OSBPL9: variants seen among roughly 807,000 people sequenced by gnomAD.
OSBPL9 encodes oxysterol binding protein like 9, also known as oxysterol-binding protein-related protein 9.
Under a neutral mutation model 106.6 loss-of-function variants are expected in OSBPL9, and 40 were observed. The observed-to-expected ratio is 0.38, with a 90% CI of 0.29 to 0.49. The LOEUF (loss-of-function observed/expected upper bound fraction) is 0.49, where lower values mean the gene tolerates loss of function less well. OSBPL9 is among the 20% of genes least tolerant of loss of function. The probability of loss-of-function intolerance (pLI) is 0.97; values close to 1 mark genes in which losing one functional copy is unlikely to be tolerated. For synonymous variants in OSBPL9, 269 were observed against 295.4 expected (o/e 0.91, Z 0.92); for missense variants, 609 against 887.2 (o/e 0.69, Z 3.98).
At chr1:51,668,807 T>C (rs1349755303) in intron 2 of OSBPL9, among the ~76,000 whole-genome samples, 1 of 152,192 alleles carries the variant, frequency 6.6e-6, no homozygotes, top group African/African-American at 2.4e-5. Context: ...TTAAGTGCCA[T>C]GTATCAAATA....
At chr1:51,549,481 G>C in the OSBPL9 span, among the ~76,000 whole-genome samples, 1 of 152,224 alleles carries the variant, frequency 6.6e-6, no homozygotes. Flanking sequence ...TTACTGAACT[G>C]TATGACAGCC....
At chr1:51,670,097 T>A (rs1011691957) in intron 3 of OSBPL9, among the ~76,000 whole-genome samples, 7 of 152,222 alleles carry the variant, frequency 4.6e-5, no homozygotes, top group Non-Finnish European at 1.0e-4. Context: ...CGGCATTGCA[T>A]GCTATGGTTC....
chr1:51,742,530 G>A (rs747682022), intron 4 of OSBPL9, among the ~76,000 whole-genome samples: 4 of 150,942 alleles, frequency 2.7e-5, no homozygotes, highest in African/African-American at 4.9e-5. Context: ...TTATTGCGGA[G>A]ACAGGGTCTT....
At chr1:51,553,316 G>A in the OSBPL9 span, among the ~76,000 whole-genome samples, 2 of 151,846 alleles carry the variant, frequency 1.3e-5, no homozygotes, top group Admixed American at 1.3e-4. Context: ...TTACAGACCA[G>A]CCTGGACAAC....
At chr1:51,525,237 T>C in the OSBPL9 span, among the ~76,000 whole-genome samples, 1 of 152,166 alleles carries the variant, frequency 6.6e-6, no homozygotes, top group African/African-American at 2.4e-5. Flanking sequence ...ATAAACTAAG[T>C]CTAGTTTCCC....
intron 4 of OSBPL9, among the ~76,000 whole-genome samples, chr1:51,721,141 T>A (rs1432369874): frequency 1.5e-5 from 2 of 130,968 alleles, no homozygotes; most frequent in Non-Finnish European, 3.2e-5. Context: ...TTTATGTTAA[T>A]TTTTTTTTTT....
chr1:51,657,039 A>C (rs1376910324), intron 2 of OSBPL9, among the ~76,000 whole-genome samples: 2 of 152,108 alleles, frequency 1.3e-5, no homozygotes, highest in Non-Finnish European at 2.9e-5. Flanking sequence ...ATTACATGTT[A>C]ATTTTTCTGT....
chr1:51,618,339 A>C (rs77879414), intron 1 of OSBPL9, among the ~76,000 whole-genome samples: 3,527 of 152,126 alleles, frequency 0.023, 79 homozygotes, highest in Middle Eastern at 0.088. Context: ...TGTTTTGACT[A>C]TCCCCTCCAC....
rs755087370 is a variant in OSBPL9, at chr1:51,786,622, G to A, written c.2000+5G>A. The A allele has an allele frequency of 4.2e-5, 67 of 1,607,480 alleles. No individual in the cohort carries two copies. The highest frequency in any genetic ancestry group is 5.4e-5 in the Non-Finnish European group (64 of 1,174,484). On this transcript the variant is annotated splice_donor_5th_base_variant and intron_variant, in intron 22 of 23. Coordinates refer to ENST00000428468, the MANE Select transcript of OSBPL9 (RefSeq NM_024586.6). ...GAACGAGTATGAATCCCGCAGGTAA[G>A]CCGACATTGTTAAGTGGAACTATTG...
At chr1:51,755,774 C>T (rs1670211752) in intron 8 of OSBPL9, among the ~76,000 whole-genome samples, 1 of 152,218 alleles carries the variant, frequency 6.6e-6, no homozygotes, top group Non-Finnish European at 1.5e-5. Flanking sequence ...ATATTTTCAA[C>T]TTAAGATGGG....
At chr1:51,616,897 T>A (rs1414092252), upstream of OSBPL9, 13 of 690,990 alleles carry the variant, frequency 1.9e-5, no homozygotes, top group Non-Finnish European at 2.8e-5. Context: ...TTAATAGCAG[T>A]ATTCACGTTT....
At chr1:51,710,521 G>C (rs907385959) in intron 3 of OSBPL9, among the ~76,000 whole-genome samples, 1 of 152,184 alleles carries the variant, frequency 6.6e-6, no homozygotes, top group African/African-American at 2.4e-5. Context: ...CATTGTTTAT[G>C]CCTAGAAAAG....
At chr1:51,689,270 A>G (rs569395433) in intron 3 of OSBPL9, among the ~76,000 whole-genome samples, 1 of 152,334 alleles carries the variant, frequency 6.6e-6, no homozygotes, top group Non-Finnish European at 1.5e-5. Flanking sequence ...TTGGAAGCCA[A>G]CAAAAGAATT....
At chr1:51,698,529 C>T (rs928446355) in intron 3 of OSBPL9, among the ~76,000 whole-genome samples, 3 of 152,030 alleles carry the variant, frequency 2.0e-5, no homozygotes, top group African/African-American at 7.2e-5. Flanking sequence ...CTGAAGTTAT[C>T]AAATGTACTT....
At chr1:51,600,724 T>C (rs923435024) in intron 2 of OSBPL9, among the ~76,000 whole-genome samples, 3 of 152,186 alleles carry the variant, frequency 2.0e-5, no homozygotes, top group African/African-American at 7.2e-5. Flanking sequence ...AAGGATTACT[T>C]GAGGTACTTA....
At chr1:51,715,646 C>T (rs1242116673) in intron 4 of OSBPL9, among the ~76,000 whole-genome samples, 4 of 152,126 alleles carry the variant, frequency 2.6e-5, no homozygotes, top group Admixed American at 6.5e-5. Context: ...TTTCCCGCCC[C>T]CCCATTGTTG....
intron 4 of OSBPL9, among the ~76,000 whole-genome samples, chr1:51,723,713 T>C (rs1662573948): frequency 6.6e-6 from 1 of 152,162 alleles, no homozygotes; most frequent in South Asian, 2.1e-4. Context: ...TAGTGCTGAA[T>C]AATATTTCAT....
At chr1:51,702,704 C>T (rs1305151233) in intron 3 of OSBPL9, among the ~76,000 whole-genome samples, 1 of 152,218 alleles carries the variant, frequency 6.6e-6, no homozygotes, top group Admixed American at 6.5e-5. Context: ...GTGTTTTAGA[C>T]ATGAAGTCCT....
rs1677498816 is a variant in OSBPL9 at position 51,785,886 on chromosome 1, G to A, written c.1908G>A (p.Gly636=). Residue 636 remains glycine (G), a splice_region_variant and synonymous_variant, in exon 21 of 24, where the codon GGG becomes GGA. Transcript: ENST00000428468. ...NGVMYAKYAT[G]ENTVFVDTKK... ...TGATGTATGCAAAATATGCAACAGG[G>A]GTAAGATCCTCTATTTTGCCACTTG... 1 of 1,608,604 alleles carries A rather than the reference G, an allele frequency of 6.2e-7. No individual in the cohort carries two copies. Among genetic ancestry groups the A allele is most frequent in the African/African-American group, 1.3e-5 (1 of 74,506 alleles).
Sources: gnomAD v4.1 joint callset for allele counts (sites outside exome capture counted in the v4.1 genomes callset) on GRCh38, gnomAD v4.1.1 for gene constraint, MANE v1.5 for transcripts, NCBI Gene and HGNC (gene_info 2026-07-23, HGNC 2026-07-21) for gene names.